Variants in NREP observed in about 807,000 individuals in gnomAD.
The protein encoded by NREP is neuronal regeneration-related protein.
In NREP, 5 loss-of-function variants were observed where a neutral mutation model predicts 8.6. The observed-to-expected ratio is 0.58, with a 90% CI of 0.30 to 1.22. NREP has a LOEUF of 1.22. Among genes scored for constraint, NREP ranks in the 50% most tolerant of loss-of-function variants. The pLI is 0.07. For missense variants in NREP, 86 were observed against 82.5 expected (o/e 1.04, Z -0.17); for synonymous variants, 27 against 28.0 (o/e 0.96, Z 0.11).
chr5:111,814,482 CTT>C (rs1752340894), intron 2 of NREP, among the ~76,000 whole-genome samples: 2 of 152,090 alleles, frequency 1.3e-5, no homozygotes, highest in Non-Finnish European at 2.9e-5. Flanking sequence ...GCCTCCGTAA[CTT>C]TCTTTTTGCT....
chr5:111,758,827 C>A (rs1038385777), upstream of NREP, among the ~76,000 whole-genome samples: 1 of 152,218 alleles, frequency 6.6e-6, no homozygotes, highest in Non-Finnish European at 1.5e-5. Flanking sequence ...GCACTGAGTT[C>A]TCTGTATGCT....
At chr5:111,891,238 T>C (rs1754387551) in intron 2 of NREP, among the ~76,000 whole-genome samples, 2 of 152,232 alleles carry the variant, frequency 1.3e-5, no homozygotes, top group South Asian at 4.1e-4. Context: ...AGAGATACAA[T>C]ACAGCCAAGT....
At chr5:111,737,012 T>C (rs1749184620) in intron 2 of NREP, among the ~76,000 whole-genome samples, 1 of 152,204 alleles carries the variant, frequency 6.6e-6, no homozygotes, top group Non-Finnish European at 1.5e-5. Flanking sequence ...CGTTTGGGTC[T>C]TAAAGAGAGC....
chr5:111,831,564 A>T (rs377521660), intron 2 of NREP, among the ~76,000 whole-genome samples: 1 of 152,122 alleles, frequency 6.6e-6, no homozygotes, highest in South Asian at 2.1e-4. Context: ...AACAATGCCA[A>T]AGGATTTTTG....
rs1017182279 is a variant in NREP, at chr5:111,730,984, G to A, written c.144C>T (p.Ser48=). ...GTTCACTGCTGCCCAGTGGAGTCAG[G>A]GAGGCAGCGTTTGTCTCATCGTTCT... ...RKKNDETNAA[S]LTPLGSSELR... The change falls in exon 4 of 4, where the codon TCC becomes TCT. Residue 48 remains serine (S), a synonymous_variant. Transcript: ENST00000257435. 5 of 1,613,752 alleles carry A rather than the reference G, an allele frequency of 3.1e-6. No individual in the cohort carries two copies. In the African/African-American group the frequency reaches 5.3e-5, roughly 17 times the overall value.
chr5:111,855,900 T>A (rs1036137818), intron 2 of NREP, among the ~76,000 whole-genome samples: 1 of 152,130 alleles, frequency 6.6e-6, no homozygotes, highest in Non-Finnish European at 1.5e-5. Flanking sequence ...AGAAAACTGT[T>A]TGCAGCTGAA....
intron 2 of NREP, among the ~76,000 whole-genome samples, chr5:111,947,721 G>A (rs553807986): frequency 1.3e-5 from 2 of 152,114 alleles, no homozygotes; most frequent in African/African-American, 4.8e-5. Flanking sequence ...CTTCTAAGAG[G>A]TGAGTGCTCT....
At chr5:111,907,031 A>G (rs778900125) in intron 2 of NREP, among the ~76,000 whole-genome samples, 2 of 151,984 alleles carry the variant, frequency 1.3e-5, no homozygotes, top group Non-Finnish European at 2.9e-5. Flanking sequence ...AGGCCTCCCA[A>G]AGTGCTAAGA....
intron 2 of NREP, among the ~76,000 whole-genome samples, chr5:111,858,832 A>G (rs1753483046): frequency 6.6e-6 from 1 of 152,178 alleles, no homozygotes; most frequent in African/African-American, 2.4e-5. Context: ...AAAATGCTCC[A>G]AACAACCTTA....
intron 2 of NREP, among the ~76,000 whole-genome samples, chr5:111,871,208 T>G (rs1254366822): frequency 6.6e-6 from 1 of 152,120 alleles, no homozygotes; most frequent in Non-Finnish European, 1.5e-5. Flanking sequence ...CCACTGAGGT[T>G]GTATGGTAGA....
intron 2 of NREP, among the ~76,000 whole-genome samples, chr5:111,820,587 G>GAA (rs763498893): frequency 4.0e-5 from 6 of 151,876 alleles, no homozygotes; most frequent in Non-Finnish European, 8.8e-5. Flanking sequence ...TTTTTAATTG[G>GAA]AAAGAGACAA....
At chr5:111,859,231 A>G (rs778736270) in intron 2 of NREP, among the ~76,000 whole-genome samples, 14 of 152,172 alleles carry the variant, frequency 9.2e-5, no homozygotes, top group Non-Finnish European at 1.5e-4. Flanking sequence ...CATTCTGAAC[A>G]AAGATTGTTG....
At chr5:111,759,971 A>G (rs1198470685), upstream of NREP, among the ~76,000 whole-genome samples, 3 of 152,258 alleles carry the variant, frequency 2.0e-5, no homozygotes, top group East Asian at 5.8e-4. Context: ...TCTCTCAATC[A>G]TAGAATATCA....
Position 111,872,947 on chromosome 5 carries a change from C to T in NREP, c.135+102327G>A, listed in dbSNP as rs967224883. On this transcript the variant is annotated intron_variant, in intron 2 of 3. Coordinates refer to the NREP transcript ENST00000395634. Reference sequence around the variant, plus strand: ...GGATTTTCACAGGCTGGGGAACCATCAGCATTTCAGCCATTTTAACTTGGG... The same window carrying T: ...GGATTTTCACAGGCTGGGGAACCATTAGCATTTCAGCCATTTTAACTTGGG... Among the ~76,000 whole-genome samples the T allele has an allele frequency of 3.4e-4, 51 of 152,126 alleles. 1 individual carries two copies. Among genetic ancestry groups the T allele is most frequent in the African/African-American group, 9.4e-4 (39 of 41,418 alleles).
intron 2 of NREP, among the ~76,000 whole-genome samples, chr5:111,882,701 C>G (rs1754118250): frequency 6.6e-6 from 1 of 152,030 alleles, no homozygotes; most frequent in African/African-American, 2.4e-5. Context: ...AATTTTCCAC[C>G]CAGAATTTCA....
intron 2 of NREP, among the ~76,000 whole-genome samples, chr5:111,746,566 T>C (rs1581066482): frequency 6.6e-6 from 1 of 152,108 alleles, no homozygotes; most frequent in Non-Finnish European, 1.5e-5. Context: ...ATTGGCTAGG[T>C]ATATAATCTC....
chr5:111,943,962 G>T (rs750263354), intron 2 of NREP, among the ~76,000 whole-genome samples: 11 of 151,978 alleles, frequency 7.2e-5, no homozygotes, highest in Non-Finnish European at 1.3e-4. Context: ...GTTTTCTATC[G>T]CTTCAAAGCT....
At chr5:111,808,170 A>G (rs1034650781) in intron 2 of NREP, among the ~76,000 whole-genome samples, 1 of 152,248 alleles carries the variant, frequency 6.6e-6, no homozygotes, top group Non-Finnish European at 1.5e-5. Flanking sequence ...ACAAAGATTT[A>G]TACCCAAGAA....
At chr5:111,935,484 T>C (rs1581232410) in intron 2 of NREP, among the ~76,000 whole-genome samples, 1 of 152,022 alleles carries the variant, frequency 6.6e-6, no homozygotes, top group African/African-American at 2.4e-5. Context: ...ACAAATGAAG[T>C]CTTACTCCTT....
Sources: gnomAD v4.1 joint callset for allele counts (sites outside exome capture counted in the v4.1 genomes callset) on GRCh38, gnomAD v4.1.1 for gene constraint, MANE v1.5 for transcripts, NCBI Gene and HGNC (gene_info 2026-07-23, HGNC 2026-07-21) for gene names.